Variants in UTRN observed in about 807,000 individuals in gnomAD.
The protein encoded by UTRN is utrophin, also known as dystrophin-related protein 1.
UTRN carries 283 observed loss-of-function variants against 463.9 expected under a neutral mutation model. The observed-to-expected ratio is 0.61, with a 90% CI of 0.55 to 0.67. The LOEUF (loss-of-function observed/expected upper bound fraction) is 0.67. Among genes scored for constraint, UTRN ranks in the 30% least tolerant of loss-of-function variants. The pLI is 0.00. For synonymous variants in UTRN, 1,442 were observed against 1,431.5 expected (o/e 1.01, Z -0.17); for missense variants, 3,922 against 4,084.3 (o/e 0.96, Z 1.08).
chr6:144,341,835 TATAG>T (rs1777159384), intron 2 of UTRN, among the ~76,000 whole-genome samples: 1 of 152,208 alleles, frequency 6.6e-6, no homozygotes, highest in Admixed American at 6.5e-5. Context: ...AGCCTCTTAC[TATAG>T]ATAGAAGTAT....
Position 144,751,168 on chromosome 6 carries a change from A to G in UTRN, c.8209-638A>G, listed in dbSNP as rs535487607. On this transcript the variant is annotated intron_variant, in intron 55 of 74. Coordinates refer to ENST00000367545, the MANE Select transcript of UTRN (RefSeq NM_007124.3). ...AAGTTGTTGCATTTGGTGAAAAAATATTAAGGTAGCTATGTTAAAACAGAA... is the reference window on the plus strand; with the variant it reads ...AAGTTGTTGCATTTGGTGAAAAAATGTTAAGGTAGCTATGTTAAAACAGAA... Among the ~76,000 whole-genome samples, 7 of 152,308 alleles carry G rather than the reference A, an allele frequency of 4.6e-5. No homozygotes were observed. In the South Asian group the frequency reaches 1.4e-3, roughly 32 times the overall value.
At chr6:144,427,043 C>T (rs7745207) in intron 7 of UTRN, among the ~76,000 whole-genome samples, 49,252 of 151,890 alleles carry the variant, frequency 0.32, 8,961 homozygotes, top group African/African-American at 0.49. Flanking sequence ...ATGAAATTGC[C>T]GACATGTGAG....
At chr6:144,562,515 C>T (rs1364834497) in intron 50 of UTRN, among the ~76,000 whole-genome samples, 2 of 152,122 alleles carry the variant, frequency 1.3e-5, no homozygotes, top group South Asian at 2.1e-4. Context: ...CCATCCATGT[C>T]CCAGCAAAGG....
intron 33 of UTRN, among the ~76,000 whole-genome samples, chr6:144,495,153 C>T (rs1444864591): frequency 6.6e-6 from 1 of 152,244 alleles, no homozygotes; most frequent in Admixed American, 6.5e-5. Context: ...GGCTTGCACT[C>T]CTCAGCCCTT....
intron 47 of UTRN, among the ~76,000 whole-genome samples, chr6:144,549,130 A>G (rs754611206): frequency 2.0e-5 from 3 of 152,254 alleles, no homozygotes; most frequent in Admixed American, 6.5e-5. Flanking sequence ...ATTAGTATAA[A>G]TATAAGCTGG....
At chr6:144,337,164 GACACACACACACAGAC>G in intron 2 of UTRN, among the ~76,000 whole-genome samples, 1 of 135,148 alleles carries the variant, frequency 7.4e-6, no homozygotes, top group East Asian at 2.0e-4. Flanking sequence ...CACACACACA[GACACACACACACAGAC>G]ACACACACAC....
At chr6:144,323,166 C>T (rs1775771930) in intron 2 of UTRN, among the ~76,000 whole-genome samples, 1 of 152,130 alleles carries the variant, frequency 6.6e-6, no homozygotes, top group Non-Finnish European at 1.5e-5. Flanking sequence ...CTAATGCTTA[C>T]ATTTAAGTAA....
intron 3 of UTRN, among the ~76,000 whole-genome samples, chr6:144,407,587 G>A (rs891267943): frequency 1.3e-5 from 2 of 152,084 alleles, no homozygotes; most frequent in Admixed American, 6.6e-5. Flanking sequence ...TCTTCACATA[G>A]GGTCTAACTA....
intron 50 of UTRN, among the ~76,000 whole-genome samples, chr6:144,576,255 T>C (rs1447176306): frequency 1.3e-5 from 2 of 152,198 alleles, no homozygotes; most frequent in African/African-American, 2.4e-5. Context: ...TCCAGTTCTC[T>C]TGGATTTAAA....
chr6:144,699,473 G>GTTTTTTTTTTTTTTTTTTTTTTTT (rs71024902), intron 52 of UTRN, among the ~76,000 whole-genome samples: 1 of 67,600 alleles, frequency 1.5e-5, no homozygotes, highest in South Asian at 8.4e-4. Flanking sequence ...TTAGTCAGTG[G>GTTTTTTTTTTTTTTTTTTTTTTTT]TTTTTTTTTT....
intron 33 of UTRN, among the ~76,000 whole-genome samples, chr6:144,496,203 T>A (rs1301939513): frequency 6.6e-6 from 1 of 152,228 alleles, no homozygotes; most frequent in Non-Finnish European, 1.5e-5. Flanking sequence ...GATAGTATTT[T>A]GGATCCTCCT....
intron 2 of UTRN, among the ~76,000 whole-genome samples, chr6:144,352,969 G>T (rs907935684): frequency 6.6e-6 from 1 of 151,674 alleles, no homozygotes; most frequent in Non-Finnish European, 1.5e-5. Flanking sequence ...TTGAGACAGG[G>T]TCTTGCTCTG....
At chr6:144,711,037 G>C (rs1256412372) in intron 53 of UTRN, among the ~76,000 whole-genome samples, 1 of 152,136 alleles carries the variant, frequency 6.6e-6, no homozygotes, top group Non-Finnish European at 1.5e-5. Flanking sequence ...AAATGGATAG[G>C]CTAGGCACTG....
At chr6:144,453,042 G>A (rs1019317169) in intron 18 of UTRN, among the ~76,000 whole-genome samples, 8 of 151,986 alleles carry the variant, frequency 5.3e-5, no homozygotes, top group Non-Finnish European at 1.2e-4. Flanking sequence ...ATATGATTGT[G>A]CTTGAAGTTT....
intron 34 of UTRN, among the ~76,000 whole-genome samples, chr6:144,503,431 G>T (rs1794399197): frequency 9.9e-5 from 15 of 152,232 alleles, no homozygotes; most frequent in Admixed American, 9.2e-4. Context: ...TTTGTATAAG[G>T]TGTAAGGAAG....
rs558839739 is a variant in UTRN at position 144,411,458 on chromosome 6, G to GT, written c.141+8275dup. On this transcript the variant is annotated intron_variant, in intron 3 of 74. Coordinates refer to ENST00000367545, the MANE Select transcript of UTRN (RefSeq NM_007124.3). ...GCCTCCAGCCCTCACCTGATTGTCC[G>GT]TGGAGTATGCTAGTGGCCCCTGCCT... Among the ~76,000 whole-genome samples, 35 of 152,178 alleles carry GT rather than the reference G, an allele frequency of 2.3e-4. 1 individual carries two copies. In the South Asian group the frequency reaches 2.5e-3, roughly 11 times the overall value.
chr6:144,523,333 G>A (rs955644696), intron 41 of UTRN, 145 bp downstream of exon 41: 3 of 648,590 alleles, frequency 4.6e-6, no homozygotes, highest in Non-Finnish European at 6.9e-6. Context: ...CTTTTAAGAA[G>A]GAGTCTTGCT....
At chr6:144,776,756 G>GTA (rs1490531019) in intron 60 of UTRN, among the ~76,000 whole-genome samples, 1 of 152,114 alleles carries the variant, frequency 6.6e-6, no homozygotes, top group Admixed American at 6.6e-5. Flanking sequence ...TTAGCTCTTT[G>GTA]TATAGGTTGA....
chr6:144,470,551 G>A (rs561303297), intron 23 of UTRN, among the ~76,000 whole-genome samples: 16 of 150,914 alleles, frequency 1.1e-4, no homozygotes, highest in Non-Finnish European at 1.8e-4. Context: ...ACAGGATGAC[G>A]GCCGGGAAGA....
Sources: gnomAD v4.1 joint callset for allele counts (sites outside exome capture counted in the v4.1 genomes callset) on GRCh38, gnomAD v4.1.1 for gene constraint, MANE v1.5 for transcripts, NCBI Gene and HGNC (gene_info 2026-07-23, HGNC 2026-07-21) for gene names.